Variants in LRP1B observed in about 807,000 individuals in gnomAD.
The protein encoded by LRP1B is LDL receptor related protein 1B.
Under a neutral mutation model 556.6 loss-of-function variants are expected in LRP1B, and 217 were observed. The ratio of observed to expected loss-of-function variants is 0.39; its 90% CI spans 0.35 to 0.44. The LOEUF (loss-of-function observed/expected upper bound fraction) is 0.44. LRP1B is among the 20% of genes least tolerant of loss of function. The pLI is 1.00. For missense variants in LRP1B, 5,053 were observed against 5,620.8 expected (o/e 0.90, Z 3.23); for synonymous variants, 2,047 against 1,865.8 (o/e 1.10, Z -2.50).
intron 2 of LRP1B, among the ~76,000 whole-genome samples, chr2:141,612,810 G>A (rs1195446683): frequency 1.3e-5 from 2 of 151,996 alleles, no homozygotes; most frequent in African/African-American, 4.8e-5. Context: ...CTTGTATTAA[G>A]TATATATACA....
intron 32 of LRP1B, among the ~76,000 whole-genome samples, chr2:140,788,356 T>A: frequency 6.6e-6 from 1 of 152,192 alleles, no homozygotes. Flanking sequence ...ATGGATGGAT[T>A]TGCACAACTT....
chr2:140,287,477 T>C (rs1683193812), intron 84 of LRP1B, among the ~76,000 whole-genome samples: 1 of 151,774 alleles, frequency 6.6e-6, no homozygotes, highest in South Asian at 2.1e-4. Flanking sequence ...AATAAGTTGA[T>C]TCATTTCTGT....
At chr2:140,683,247 C>A in intron 41 of LRP1B, 2 of 326,756 alleles carry the variant, frequency 6.1e-6, no homozygotes, top group South Asian at 2.6e-5. Context: ...TCTGTGTATC[C>A]CAGATGAGGG....
chr2:140,902,837 T>A (rs1559184423), intron 23 of LRP1B, 83 bp downstream of exon 23: 1 of 1,431,156 alleles, frequency 7.0e-7, no homozygotes, highest in Non-Finnish European at 9.6e-7. Context: ...AATCCTTTCA[T>A]TAATTTTCTG....
chr2:140,357,547 AC>A (rs1682282952), intron 74 of LRP1B, among the ~76,000 whole-genome samples: 1 of 151,494 alleles, frequency 6.6e-6, no homozygotes, highest in Admixed American at 6.6e-5. Flanking sequence ...TGGCACTGTA[AC>A]TAAAAAAAAA....
chr2:141,868,915 A>T (rs1366799986), intron 1 of LRP1B, among the ~76,000 whole-genome samples: 1 of 152,154 alleles, frequency 6.6e-6, no homozygotes, highest in African/African-American at 2.4e-5. Flanking sequence ...TTTTACCTAG[A>T]AATAGTAGAA....
chr2:141,290,546 A>G (rs1253321050), intron 3 of LRP1B, among the ~76,000 whole-genome samples: 1 of 152,162 alleles, frequency 6.6e-6, no homozygotes, highest in Non-Finnish European at 1.5e-5. Flanking sequence ...GCGTAAAGTT[A>G]AATACAAGTC....
At chr2:141,508,061 G>A (rs1683992803) in intron 2 of LRP1B, among the ~76,000 whole-genome samples, 1 of 147,684 alleles carries the variant, frequency 6.8e-6, no homozygotes, top group South Asian at 2.2e-4. Context: ...ATTCCAGTCT[G>A]GATGAAAGAG....
rs539647317 is a variant in LRP1B at position 140,935,001 on chromosome 2, G to A, written c.3137-11854C>T. On this transcript the variant is annotated intron_variant, in intron 20 of 90. Coordinates refer to ENST00000389484, the MANE Select transcript of LRP1B (RefSeq NM_018557.3). ...AAAAGACCTTAAGTTTATACCCCAG[G>A]GTAATCTGTGGCACAGAGATAACCT... 5.9e-4 allele frequency among the ~76,000 whole-genome samples: 90 copies of A among 152,162 alleles called. No homozygotes were observed. In the South Asian group the frequency reaches 8.3e-3, roughly 14 times the overall value.
intron 17 of LRP1B, among the ~76,000 whole-genome samples, chr2:140,986,797 G>T (rs1696940227): frequency 6.6e-6 from 1 of 152,098 alleles, no homozygotes. Context: ...TATCACCAGT[G>T]CTTTGGTAGA....
At chr2:140,647,620 G>A (rs763005557) in intron 41 of LRP1B, among the ~76,000 whole-genome samples, 32 of 152,082 alleles carry the variant, frequency 2.1e-4, no homozygotes, top group Admixed American at 5.9e-4. Flanking sequence ...CTGCCCCCAT[G>A]AACTATTTAG....
At chr2:141,492,997 G>A (rs1409131541) in intron 2 of LRP1B, among the ~76,000 whole-genome samples, 1 of 152,118 alleles carries the variant, frequency 6.6e-6, no homozygotes, top group Non-Finnish European at 1.5e-5. Flanking sequence ...AGCATTAATA[G>A]GATAATTGCT....
chr2:141,947,340 G>T (rs925658832), intron 1 of LRP1B, among the ~76,000 whole-genome samples: 1 of 152,074 alleles, frequency 6.6e-6, no homozygotes, highest in African/African-American at 2.4e-5. Flanking sequence ...GGGAGGATGA[G>T]GCAGGAGAAT....
intron 41 of LRP1B, among the ~76,000 whole-genome samples, chr2:140,654,895 C>T (rs1319266369): frequency 1.3e-5 from 2 of 152,172 alleles, no homozygotes; most frequent in African/African-American, 4.8e-5. Context: ...GCTGCCACAG[C>T]TATGCTTTTT....
intron 1 of LRP1B, among the ~76,000 whole-genome samples, chr2:142,057,269 C>A (rs541910804): frequency 6.6e-6 from 1 of 152,186 alleles, no homozygotes; most frequent in South Asian, 2.1e-4. Flanking sequence ...TGGAAATAAC[C>A]ATTTCTTGTT....
chr2:140,251,437 A>G (rs1681410815), intron 86 of LRP1B, among the ~76,000 whole-genome samples: 1 of 151,884 alleles, frequency 6.6e-6, no homozygotes, highest in Admixed American at 6.6e-5. Flanking sequence ...ATTTTGCAGA[A>G]ATGTGGTCTA....
intron 37 of LRP1B, among the ~76,000 whole-genome samples, chr2:140,708,470 G>A (rs1029015194): frequency 4.7e-4 from 71 of 150,332 alleles, no homozygotes; most frequent in African/African-American, 1.3e-3. Context: ...CTGGAGAAGC[G>A]GAAATTATTC....
chr2:140,776,031 G>A (rs1689483591), intron 33 of LRP1B, 67 bp downstream of exon 33: 2 of 1,246,966 alleles, frequency 1.6e-6, no homozygotes, highest in Non-Finnish European at 2.2e-6. Context: ...GTTGAATTGA[G>A]GAGCTAATAT....
chr2:142,110,052 G>A (rs1393644790), intron 1 of LRP1B, among the ~76,000 whole-genome samples: 1 of 151,994 alleles, frequency 6.6e-6, no homozygotes, highest in Non-Finnish European at 1.5e-5. Flanking sequence ...CTGATTTTCC[G>A]ACAGAAAATC....
Sources: gnomAD v4.1 joint callset for allele counts (sites outside exome capture counted in the v4.1 genomes callset) on GRCh38, gnomAD v4.1.1 for gene constraint, MANE v1.5 for transcripts, NCBI Gene and HGNC (gene_info 2026-07-23, HGNC 2026-07-21) for gene names.